Variants in SGIP1 observed in about 807,000 individuals in gnomAD.
SGIP1 encodes SH3GL interacting endocytic adaptor 1.
SGIP1 carries 38 observed loss-of-function variants against 107.5 expected under a neutral mutation model. The observed-to-expected ratio is 0.35, with a 90% CI of 0.27 to 0.46. The LOEUF (loss-of-function observed/expected upper bound fraction) is 0.46. SGIP1 is among the 20% of genes least tolerant of loss of function. The probability of loss-of-function intolerance (pLI) is 1.00; values close to 1 mark genes in which losing one functional copy is unlikely to be tolerated. For synonymous variants in SGIP1, 365 were observed against 366.1 expected (o/e 1.00, Z 0.03); for missense variants, 929 against 1,019.5 (o/e 0.91, Z 1.21).
chr1:66,619,897 A>G (rs773902322), intron 1 of SGIP1, among the ~76,000 whole-genome samples: 20 of 152,234 alleles, frequency 1.3e-4, no homozygotes, highest in Non-Finnish European at 2.4e-4. Context: ...AAAATAAAAT[A>G]AAATAGAAAT....
intron 17 of SGIP1, among the ~76,000 whole-genome samples, chr1:66,694,216 C>CT (rs5774832): frequency 4.8e-5 from 7 of 147,340 alleles, no homozygotes; most frequent in Admixed American, 3.4e-4. Context: ...TAAACCCTGG[C>CT]TTTTTTTTTT....
intron 12 of SGIP1, 139 bp downstream of exon 12, chr1:66,673,505 T>C (rs2084382770): frequency 1.3e-6 from 1 of 750,814 alleles, no homozygotes; most frequent in Non-Finnish European, 2.0e-6. Flanking sequence ...AATCTAGGTG[T>C]GCTGTCAAGA....
chr1:66,710,656 T>C lies in SGIP1; in HGVS notation c.1631-8638T>C, dbSNP rs374900505. On this transcript the variant is annotated intron_variant, in intron 18 of 24. Coordinates refer to ENST00000371037, the MANE Select transcript of SGIP1 (RefSeq NM_032291.4). ...AAATTTTCCCATAAACATCTGGTCATATAAACAATGGATATACCATGCAAA... is the reference window on the plus strand; with the variant it reads ...AAATTTTCCCATAAACATCTGGTCACATAAACAATGGATATACCATGCAAA... 5.9e-5 allele frequency among the ~76,000 whole-genome samples: 9 copies of C among 152,312 alleles called. No individual in the cohort carries two copies. The East Asian group carries it at 9.7e-4, about 16-fold the overall frequency.
intron 7 of SGIP1, among the ~76,000 whole-genome samples, chr1:66,649,101 G>C (rs373741901): frequency 2.6e-4 from 39 of 152,268 alleles, no homozygotes; most frequent in African/African-American, 9.4e-4. Context: ...TGACCTAACA[G>C]CATACTGTGT....
At position 66,689,190 on chromosome 1, in the gene SGIP1, G is replaced by A. The variant is rs1571863107; in HGVS notation, c.1358G>A (p.Cys453Tyr). 1 of 1,613,672 alleles carries A rather than the reference G, an allele frequency of 6.2e-7. No individual in the cohort carries two copies. Among genetic ancestry groups the A allele is most frequent in the Non-Finnish European group, 8.5e-7 (1 of 1,179,820 alleles). ...PARPATPLVP[C>Y]RSTTPPPPPP... ...CGACCAGCCACTCCTTTGGTTCCTT[G>A]CAGAAGTACCACTCCACCTCCACCT... Residue 453 changes from cysteine to tyrosine, a missense_variant, in exon 16 of 25, where the codon TGC becomes TAC. Physicochemically the swap from Cys to Tyr is radical, Grantham distance 194. Around this residue, in one of 2 missense-constraint regions of SGIP1, gnomAD observed 588 missense variants for 588.6 expected, o/e 1.00. Coordinates refer to ENST00000371037, the MANE Select transcript of SGIP1 (RefSeq NM_032291.4).
intron 22 of SGIP1, among the ~76,000 whole-genome samples, chr1:66,739,947 A>C (rs1239972593): frequency 2.0e-5 from 3 of 152,198 alleles, no homozygotes; most frequent in African/African-American, 7.2e-5. Context: ...TAGAGGCTAG[A>C]GTGGACTCCT....
chr1:66,658,502 C>G (rs1006971101), intron 7 of SGIP1, among the ~76,000 whole-genome samples: 18 of 152,024 alleles, frequency 1.2e-4, no homozygotes, highest in African/African-American at 4.4e-4. Flanking sequence ...ATAATTCAAC[C>G]TTATTTCAGA....
At chr1:66,557,764 A>G (rs2058390824) in intron 1 of SGIP1, among the ~76,000 whole-genome samples, 1 of 152,156 alleles carries the variant, frequency 6.6e-6, no homozygotes, top group Non-Finnish European at 1.5e-5. Flanking sequence ...TACCAAAAAC[A>G]GTCTACTTCT....
intron 2 of SGIP1, among the ~76,000 whole-genome samples, chr1:66,627,763 T>C (rs2073219943): frequency 6.6e-6 from 1 of 152,190 alleles, no homozygotes. Flanking sequence ...TTTTCTTTCT[T>C]ATACTTTAAG....
chr1:66,682,118 C>T lies in SGIP1; in HGVS notation c.1064C>T (p.Pro355Leu). 6.2e-7 allele frequency: 1 copy of T among 1,613,714 alleles called. No homozygotes were observed. Residue 355 changes from proline (P) to leucine (L), a missense_variant, in exon 15 of 25, where the codon CCA (proline) becomes CTA (leucine). Pro to Leu is a moderately conservative substitution (Grantham distance 98). Coordinates refer to ENST00000371037, the MANE Select transcript of SGIP1 (RefSeq NM_032291.4). ...CCAGCTCCAGGCCCTCTCGGCCCCC[C>T]AGGTCCCACAGGCCCCCCAGGGCCT... ...DSPAPGPLGPPGPTGPPGPPG... is the reference protein window; with the variant it reads ...DSPAPGPLGPLGPTGPPGPPG...
intron 16 of SGIP1, 125 bp downstream of exon 16, chr1:66,689,400 G>A (rs926255011): frequency 1.4e-5 from 17 of 1,216,216 alleles, no homozygotes; most frequent in African/African-American, 1.2e-4. Flanking sequence ...GCATCTGAAA[G>A]ACAGTCACTG....
chr1:66,675,684 G>A, intron 12 of SGIP1, among the ~76,000 whole-genome samples: 1 of 151,118 alleles, frequency 6.6e-6, no homozygotes, highest in East Asian at 1.9e-4. Context: ...ACAGGCACAT[G>A]CCACCCCACC....
At chr1:66,724,356 C>T (rs2093665586) in intron 19 of SGIP1, among the ~76,000 whole-genome samples, 1 of 152,152 alleles carries the variant, frequency 6.6e-6, no homozygotes, top group Admixed American at 6.6e-5. Context: ...CATTCAAACT[C>T]ACATGAAATG....
chr1:66,689,580 T>C (rs570887761), intron 16 of SGIP1, among the ~76,000 whole-genome samples: 1 of 152,322 alleles, frequency 6.6e-6, no homozygotes, highest in African/African-American at 2.4e-5. Flanking sequence ...ATTTGTCTGA[T>C]ATTAGAAAAC....
chr1:66,586,079 T>C (rs2062570037), intron 1 of SGIP1, among the ~76,000 whole-genome samples: 1 of 152,200 alleles, frequency 6.6e-6, no homozygotes, highest in Non-Finnish European at 1.5e-5. Flanking sequence ...AATGTCTCTT[T>C]TATCATTATA....
chr1:66,608,506 T>C (rs1214218302), intron 1 of SGIP1, among the ~76,000 whole-genome samples: 1 of 152,222 alleles, frequency 6.6e-6, no homozygotes, highest in Non-Finnish European at 1.5e-5. Context: ...CTTTTTACAT[T>C]GATCATTGTT....
intron 1 of SGIP1, among the ~76,000 whole-genome samples, chr1:66,556,398 C>G (rs1664347): frequency 2.0e-5 from 3 of 152,062 alleles, no homozygotes; most frequent in Non-Finnish European, 4.4e-5. Flanking sequence ...GCAAGCTGTC[C>G]TAGGCAGCTC....
intron 17 of SGIP1, chr1:66,694,507 A>G (rs781498965): frequency 1.3e-5 from 21 of 1,597,922 alleles, no homozygotes; most frequent in East Asian, 2.2e-5. Context: ...GCCTGCAGGT[A>G]TGGTGCTAGC....
At chr1:66,655,576 A>G (rs987496936) in intron 7 of SGIP1, among the ~76,000 whole-genome samples, 9 of 152,238 alleles carry the variant, frequency 5.9e-5, no homozygotes, top group African/African-American at 9.6e-5. Context: ...CCTAGATGGT[A>G]TAGCCTACCA....
Sources: gnomAD v4.1 joint callset for allele counts (sites outside exome capture counted in the v4.1 genomes callset) on GRCh38, gnomAD v4.1.1 for gene constraint, gnomAD v4.1.1 regional missense constraint, MANE v1.5 for transcripts, NCBI Gene and HGNC (gene_info 2026-07-23, HGNC 2026-07-21) for gene names.